Variants in SCP2 observed in about 807,000 individuals in gnomAD.
SCP2 encodes the protein SCP-2/3-oxoacyl-CoA thiolase.
Under a neutral mutation model 71.4 loss-of-function variants are expected in SCP2, and 48 were observed. That is an observed-to-expected ratio of 0.67 (90% CI 0.53 to 0.86). SCP2 has a LOEUF of 0.86. Among genes scored for constraint, SCP2 ranks in the 40% least tolerant of loss-of-function variants. SCP2 has a pLI of 0.00. For synonymous variants in SCP2, 220 were observed against 218.1 expected (o/e 1.01, Z -0.08); for missense variants, 560 against 655.6 (o/e 0.85, Z 1.59).
intron 11 of SCP2, among the ~76,000 whole-genome samples, chr1:53,011,670 C>T (rs750704693): frequency 1.3e-5 from 2 of 152,140 alleles, no homozygotes; most frequent in Non-Finnish European, 2.9e-5. Flanking sequence ...TGGTGGGACT[C>T]AGCCCTCAAC....
chr1:52,933,631 G>A (rs1443098871), intron 1 of SCP2, among the ~76,000 whole-genome samples: 1 of 152,156 alleles, frequency 6.6e-6, no homozygotes, highest in Non-Finnish European at 1.5e-5. Context: ...AGTAGATGAG[G>A]AGTAGTGTCT....
At chr1:52,986,891 C>T (rs762952056) in intron 10 of SCP2, among the ~76,000 whole-genome samples, 10 of 150,450 alleles carry the variant, frequency 6.6e-5, no homozygotes, top group African/African-American at 1.5e-4. Flanking sequence ...CTCTAGATTA[C>T]GTATAATAAC....
chr1:52,934,185 C>T (rs1035029131), intron 1 of SCP2, among the ~76,000 whole-genome samples: 1 of 152,090 alleles, frequency 6.6e-6, no homozygotes, highest in East Asian at 1.9e-4. Context: ...TTCTCAAAAA[C>T]GAATGAAGTC....
chr1:52,964,442 C>T (rs1463000492), intron 6 of SCP2, among the ~76,000 whole-genome samples: 6 of 151,758 alleles, frequency 4.0e-5, no homozygotes, highest in African/African-American at 1.5e-4. Flanking sequence ...CCTCGTGATC[C>T]GCCCAACTCA....
At chr1:52,938,661 C>T (rs999566333) in intron 1 of SCP2, among the ~76,000 whole-genome samples, 2 of 152,156 alleles carry the variant, frequency 1.3e-5, no homozygotes, top group African/African-American at 4.8e-5. Context: ...TTTAGGTTTA[C>T]AGCAAAATTG....
At chr1:52,949,047 C>T (rs748888553) in intron 3 of SCP2, among the ~76,000 whole-genome samples, 1 of 151,808 alleles carries the variant, frequency 6.6e-6, no homozygotes, top group Non-Finnish European at 1.5e-5. Flanking sequence ...AGATCTACTA[C>T]AGCTTATTTA....
At chr1:52,990,389 TTAAC>T (rs1659368069) in intron 11 of SCP2, among the ~76,000 whole-genome samples, 2 of 152,052 alleles carry the variant, frequency 1.3e-5, no homozygotes, top group Non-Finnish European at 2.9e-5. Flanking sequence ...GACAAAGACT[TTAAC>T]TAGCTATTTT....
At chr1:52,981,527 C>G (rs1658496289) in intron 10 of SCP2, among the ~76,000 whole-genome samples, 1 of 149,002 alleles carries the variant, frequency 6.7e-6, no homozygotes, top group African/African-American at 2.5e-5. Flanking sequence ...ACTTCTGCCT[C>G]CTGGGTTCAA....
At chr1:53,029,670 A>G (rs1333192277) in intron 13 of SCP2, among the ~76,000 whole-genome samples, 3 of 152,218 alleles carry the variant, frequency 2.0e-5, no homozygotes, top group South Asian at 2.1e-4. Context: ...ATGGGAATAC[A>G]GGTGATATAA....
intron 11 of SCP2, 136 bp downstream of exon 11, chr1:52,988,272 A>G (rs1557589678): frequency 1.5e-6 from 1 of 650,828 alleles, no homozygotes; most frequent in Non-Finnish European, 2.8e-6. Context: ...TTTAGCTTCA[A>G]TATTTTTGAT....
intron 6 of SCP2, among the ~76,000 whole-genome samples, chr1:52,971,930 C>A (rs1332919072): frequency 6.6e-6 from 1 of 152,104 alleles, no homozygotes; most frequent in Non-Finnish European, 1.5e-5. Flanking sequence ...GTTTCTATGA[C>A]CTGCCTTGGG....
chr1:53,040,938 T>C (rs1663378374), intron 14 of SCP2, among the ~76,000 whole-genome samples: 1 of 152,166 alleles, frequency 6.6e-6, no homozygotes, highest in Admixed American at 6.5e-5. Context: ...ACCCGAGACA[T>C]GGAAGGCCTT....
At chr1:53,024,575 TTC>T (rs199968352) in intron 12 of SCP2, among the ~76,000 whole-genome samples, 15 of 144,408 alleles carry the variant, frequency 1.0e-4, no homozygotes, top group Admixed American at 3.0e-4. Context: ...TTCTTTTTTT[TTC>T]TTTTTTTTTT....
intron 12 of SCP2, among the ~76,000 whole-genome samples, chr1:53,023,702 C>A (rs548027725): frequency 6.6e-6 from 1 of 152,212 alleles, no homozygotes; most frequent in African/African-American, 2.4e-5. Flanking sequence ...CAGGGAGCAG[C>A]AGTGGCAAAG....
chr1:53,002,450 A>G (rs1446667127), intron 11 of SCP2, among the ~76,000 whole-genome samples: 1 of 152,206 alleles, frequency 6.6e-6, no homozygotes, highest in African/African-American at 2.4e-5. Context: ...GCCGGATACA[A>G]GAGAACTTTC....
chr1:53,003,464 C>T (rs984822840), intron 11 of SCP2, among the ~76,000 whole-genome samples: 19 of 152,276 alleles, frequency 1.2e-4, no homozygotes, highest in African/African-American at 4.3e-4. Flanking sequence ...AAGCAATCTG[C>T]CCATGTTGGC....
At position 52,951,523 on chromosome 1, in the gene SCP2, C is replaced by T. The variant is rs1359973229; in HGVS notation, c.331+637C>T. ...GAGGATGTATGATCATACCACTGCA[C>T]TCTAGCCTGGGCCACACAGTGAGAC... is the stretch of plus-strand genomic sequence containing the variant. On this transcript the variant is annotated intron_variant, in intron 4 of 15. Coordinates refer to ENST00000371514, the MANE Select transcript of SCP2 (RefSeq NM_002979.5). Among the ~76,000 whole-genome samples the T allele has an allele frequency of 2.2e-5, 3 of 137,714 alleles. No individual in the cohort carries two copies. The Admixed American group carries it at 2.3e-4, about 11-fold the overall frequency. 90.3% of individuals were successfully genotyped at this position (137,714 alleles called of 152,430 possible).
chr1:52,952,504 A>G (rs777971872), intron 4 of SCP2, among the ~76,000 whole-genome samples: 1 of 152,212 alleles, frequency 6.6e-6, no homozygotes, highest in Non-Finnish European at 1.5e-5. Flanking sequence ...TAGGATGGCT[A>G]CACCACATTT....
chr1:53,040,727 A>C (rs944146604), intron 14 of SCP2, among the ~76,000 whole-genome samples: 3 of 152,162 alleles, frequency 2.0e-5, no homozygotes, highest in African/African-American at 7.2e-5. Context: ...TCTAAAAAAA[A>C]ACAAAAATCT....
Sources: allele counts gnomAD v4.1 joint callset (sites outside exome capture counted in the v4.1 genomes callset), GRCh38; gene constraint gnomAD v4.1.1; transcripts MANE v1.5; gene names NCBI Gene and HGNC (gene_info 2026-07-23, HGNC 2026-07-21).